Variants in ASAP3 observed in about 807,000 individuals in gnomAD.
ASAP3 encodes ArfGAP with SH3 domain, ankyrin repeat and PH domain 3.
Under a neutral mutation model 118.2 loss-of-function variants are expected in ASAP3, and 85 were observed. That is an observed-to-expected ratio of 0.72 (90% CI 0.60 to 0.86). The LOEUF (loss-of-function observed/expected upper bound fraction) is 0.86, where lower values mean the gene tolerates loss of function less well. ASAP3 is among the 40% of genes least tolerant of loss of function. The pLI is 0.00. For synonymous variants in ASAP3, 432 were observed against 477.4 expected (o/e 0.90, Z 1.24); for missense variants, 1,026 against 1,175.0 (o/e 0.87, Z 1.85).
At chr1:23,479,691 T>C (rs1473784168) in intron 1 of ASAP3, 1 of 152,202 alleles carries the variant, frequency 6.6e-6, no homozygotes, top group African/African-American at 2.4e-5. Flanking sequence ...AACTGTGCAT[T>C]ATAAGACCTG....
intron 19 of ASAP3, among the ~76,000 whole-genome samples, chr1:23,434,034 C>T (rs1381946220): frequency 6.6e-6 from 1 of 152,204 alleles, no homozygotes; most frequent in Non-Finnish European, 1.5e-5. Flanking sequence ...TAAGTACTCC[C>T]AGAAATATTA....
At chr1:23,455,739 TG>T in intron 3 of ASAP3, 141 bp downstream of exon 3, 1 of 1,028,986 alleles carries the variant, frequency 9.7e-7, no homozygotes, top group Non-Finnish European at 1.4e-6. Context: ...GGGTCAGGGC[TG>T]GAAAGGGACC....
chr1:23,464,662 A>T (rs1467317478), intron 1 of ASAP3, among the ~76,000 whole-genome samples: 5 of 6,418 alleles, frequency 7.8e-4, no homozygotes, highest in African/African-American at 1.0e-3. Context: ...ACTGTCTTAA[A>T]AAAAAAAAAA....
intron 1 of ASAP3, among the ~76,000 whole-genome samples, chr1:23,478,267 C>A (rs1238059982): frequency 6.6e-6 from 1 of 152,134 alleles, no homozygotes; most frequent in African/African-American, 2.4e-5. Context: ...GAGTTTGAGA[C>A]AAGCCTGGCC....
At chr1:23,433,562 A>G (rs565362480) in intron 20 of ASAP3, 30 bp from the exon 21 acceptor site, 4 of 1,614,134 alleles carry the variant, frequency 2.5e-6, no homozygotes, top group Non-Finnish European at 3.4e-6. Flanking sequence ...GGTGGTTCAG[A>G]GGGTTGGGGG....
chr1:23,464,491 CA>C (rs894379102), intron 1 of ASAP3, among the ~76,000 whole-genome samples: 7 of 151,260 alleles, frequency 4.6e-5, no homozygotes, highest in Non-Finnish European at 1.0e-4. Flanking sequence ...CCGACCATTA[CA>C]AAAAATTTTT....
intron 1 of ASAP3, among the ~76,000 whole-genome samples, chr1:23,475,663 A>G (rs1642104988): frequency 6.6e-6 from 1 of 152,220 alleles, no homozygotes; most frequent in Non-Finnish European, 1.5e-5. Context: ...CTCAAGACCT[A>G]TAAAGATATA....
In ASAP3 at chr1:23,436,926, G is replaced by C. The variant is rs763003918; in HGVS notation, c.1461C>G (p.Gly487=). The change falls in exon 15 of 25, where the codon GGC becomes GGG. Residue 487 remains glycine, a synonymous_variant. Coordinates refer to ENST00000336689, the MANE Select transcript of ASAP3 (RefSeq NM_017707.4). The surrounding 1 kb of genome is among the most constrained non-coding windows in gnomAD (Gnocchi z 4.2). ...RMQSLTLDLL[G]PSELLLALNM... is the part of the protein sequence containing the mutation. ...CCGCCCTCACCAACAACTCGGAGGG[G>C]CCCAGCAGGTCCAAGGTGAGTGACT... is the stretch of plus-strand genomic sequence containing the variant. 1.9e-6 allele frequency: 3 copies of C among 1,611,614 alleles called. No individual in the cohort carries two copies. Among genetic ancestry groups the C allele is most frequent in the Non-Finnish European group, 2.5e-6 (3 of 1,179,694 alleles).
At chr1:23,480,867 C>G (rs375719370) in intron 1 of ASAP3, among the ~76,000 whole-genome samples, 1 of 152,190 alleles carries the variant, frequency 6.6e-6, no homozygotes, top group Non-Finnish European at 1.5e-5. Context: ...TAATGACTAT[C>G]TTAATATACT....
chr1:23,447,353 CTAT>C (rs1215664746), intron 5 of ASAP3, among the ~76,000 whole-genome samples: 3 of 152,118 alleles, frequency 2.0e-5, no homozygotes, highest in African/African-American at 7.2e-5. Context: ...TGTTTTATTA[CTAT>C]TATTGTTCAT....
intron 1 of ASAP3, among the ~76,000 whole-genome samples, chr1:23,471,670 G>A (rs187918079): frequency 6.6e-6 from 1 of 152,342 alleles, no homozygotes; most frequent in East Asian, 1.9e-4. Flanking sequence ...AAGTGACACA[G>A]CTTCTCTGAT....
chr1:23,434,703 C>T, intron 17 of ASAP3, 85 bp from the exon 18 acceptor site: 11 of 1,297,318 alleles, frequency 8.5e-6, no homozygotes, highest in Non-Finnish European at 1.2e-5. Context: ...TCTTGCTAAC[C>T]CCTTATCCCC....
At position 23,435,872 on chromosome 1, in the gene ASAP3, C is replaced by T. The variant is rs200317746; in HGVS notation, c.1728G>A (p.Pro576=). 84 of 1,614,252 alleles carry T rather than the reference C, an allele frequency of 5.2e-5. No individual in the cohort carries two copies. The East Asian group carries it at 1.7e-3, about 33-fold the overall frequency. ...TCACCTGTGCATCAGGCCCTGGCAG[C>T]GGCTGTCCAAAGTCCTGCCCATTGG... The part of the protein sequence containing the change: ...AFANGQDFGQ[P]LPGPDAQAPE... The change falls in exon 17 of 25, where the codon CCG becomes CCA. Residue 576 remains proline, a synonymous_variant. Coordinates refer to ENST00000336689, the MANE Select transcript of ASAP3 (RefSeq NM_017707.4).
Position 23,434,254 on chromosome 1 carries a change from C to G in ASAP3, c.1951G>C (p.Val651Leu), listed in dbSNP as rs1640550351. The change falls in exon 19 of 25, where the codon GTA (valine) becomes CTA (leucine). Residue 651 changes from valine to leucine, a missense_variant and splice_region_variant. Val to Leu is a conservative substitution (Grantham distance 32). Transcript: ENST00000336689. ...LLKGRALVGT[V>L]NEAGETALDI... ...GACGGAGGAGGTATTCAAGCCCCAC[C>G]TGTGCCAACCAAAGCTCTCCCCTTC... is the stretch of plus-strand genomic sequence containing the variant. 1 of 1,613,954 alleles carries G rather than the reference C, an allele frequency of 6.2e-7. No homozygotes were observed. The highest frequency in any genetic ancestry group is 1.3e-5 in the African/African-American group (1 of 74,898).
intron 10 of ASAP3, 35 bp from the exon 11 acceptor site, chr1:23,439,265 A>C (rs1244660611): frequency 2.5e-6 from 4 of 1,605,048 alleles, no homozygotes; most frequent in Non-Finnish European, 3.4e-6. Flanking sequence ...CAGTGACCCA[A>C]GGCTCACACC....
Position 23,436,911 on chromosome 1 carries a change from CA to C in ASAP3, c.1475del (p.Leu492CysfsTer4), listed in dbSNP as rs1222396604. The C allele has an allele frequency of 6.2e-7, 1 of 1,610,934 alleles. No individual in the cohort carries two copies. The highest frequency in any genetic ancestry group is 1.3e-5 in the African/African-American group (1 of 74,878). On this transcript the variant is annotated frameshift_variant and splice_region_variant, in exon 15 of 25. Transcript: ENST00000336689. LOFTEE classifies it high-confidence loss of function. This position sits in a 1 kb window ranked among gnomAD's most constrained non-coding sequence, Gnocchi z 4.2. The part of the protein sequence containing the change: ...TLDLLGPSEL[L>X]LALNMGNTSF... ...CTTCCAGGCCCCGCCCCGCCCTCAC[CA>C]ACAACTCGGAGGGGCCCAGCAGGTC...
At chr1:23,460,703 A>G (rs1641559622) in intron 1 of ASAP3, among the ~76,000 whole-genome samples, 1 of 152,216 alleles carries the variant, frequency 6.6e-6, no homozygotes, top group Non-Finnish European at 1.5e-5. Context: ...CAAATGAGTC[A>G]GCAATCATAC....
chr1:23,451,933 G>A (rs1351260275), intron 4 of ASAP3, among the ~76,000 whole-genome samples: 4 of 152,178 alleles, frequency 2.6e-5, no homozygotes, highest in African/African-American at 9.7e-5. Context: ...ATTTTCTCCT[G>A]CCTGGTGCTA....
At chr1:23,452,506 C>G (rs977940074) in intron 4 of ASAP3, among the ~76,000 whole-genome samples, 191 bp downstream of exon 4, 1 of 152,084 alleles carries the variant, frequency 6.6e-6, no homozygotes, top group African/African-American at 2.4e-5. Context: ...ACACAAGGGG[C>G]CTGGCAGACA....
Sources: allele counts gnomAD v4.1 joint callset (sites outside exome capture counted in the v4.1 genomes callset), GRCh38; gene constraint gnomAD v4.1.1; non-coding constraint Gnocchi (gnomAD v3.1); transcripts MANE v1.5; gene names NCBI Gene and HGNC (gene_info 2026-07-23, HGNC 2026-07-21).